Variants in ABTB2 observed in about 807,000 individuals in gnomAD.
ABTB2 encodes the protein ankyrin repeat and BTB domain containing 2.
A neutral mutation model predicts 104.1 loss-of-function variants in ABTB2; 56 were observed. The observed-to-expected ratio is 0.54, with a 90% CI of 0.43 to 0.67. The LOEUF (loss-of-function observed/expected upper bound fraction) is 0.67. Ranked by LOEUF, ABTB2 falls within the 30% of genes least tolerant of loss-of-function variation. The probability of loss-of-function intolerance (pLI) is 0.00; values close to 1 mark genes in which losing one functional copy is unlikely to be tolerated. For missense variants in ABTB2, 1,279 were observed against 1,407.7 expected, an observed-to-expected ratio of 0.91 and a Z score of 1.46; for synonymous variants, 606 against 608.2, an observed-to-expected ratio of 1.00 and a Z score of 0.05.
At chr11:34,279,787 C>A (rs1024630917) in intron 1 of ABTB2, among the ~76,000 whole-genome samples, 1 of 129,564 alleles carries the variant, frequency 7.7e-6, no homozygotes. Flanking sequence ...CTTTCTTCTT[C>A]TTTTTTTTTT....
intron 1 of ABTB2, among the ~76,000 whole-genome samples, chr11:34,297,877 C>T (rs1854643925): frequency 6.6e-6 from 1 of 151,738 alleles, no homozygotes; most frequent in Admixed American, 6.6e-5. Flanking sequence ...GGTGATTACG[C>T]CATGAAAGCT....
chr11:34,311,020 T>C (rs1854846328), intron 1 of ABTB2, among the ~76,000 whole-genome samples: 1 of 152,190 alleles, frequency 6.6e-6, no homozygotes, highest in Non-Finnish European at 1.5e-5. Flanking sequence ...GAGATGCCGT[T>C]TCTCCATGTC....
chr11:34,246,548 C>G (rs972006352), intron 1 of ABTB2, among the ~76,000 whole-genome samples: 10 of 129,680 alleles, frequency 7.7e-5, no homozygotes, highest in Non-Finnish European at 6.2e-5. Context: ...TTGCAGTGAG[C>G]CGAGATCGCA....
At position 34,304,088 on chromosome 11, in the gene ABTB2, C is replaced by T. The variant is rs73497367; in HGVS notation, c.883+52613G>A. ...TAGCATGATGAAATATTGCCCAGTC[C>T]GGCTCTGTGGTGCTGAGGACGGAAT... On this transcript the variant is annotated intron_variant, in intron 1 of 16. Coordinates refer to ENST00000435224, the MANE Select transcript of ABTB2 (RefSeq NM_145804.3). Among the ~76,000 whole-genome samples, 274 of 152,208 alleles carry T rather than the reference C, an allele frequency of 1.8e-3. 4 individuals carry two copies. The highest frequency in any genetic ancestry group is 6.2e-3 in the African/African-American group (256 of 41,532).
At chr11:34,271,442 A>T (rs1459860013) in intron 1 of ABTB2, among the ~76,000 whole-genome samples, 1 of 152,098 alleles carries the variant, frequency 6.6e-6, no homozygotes, top group East Asian at 1.9e-4. Context: ...TTCATATGCT[A>T]AATACATACA....
intron 1 of ABTB2, among the ~76,000 whole-genome samples, chr11:34,291,891 G>A (rs1372927650): frequency 6.6e-6 from 1 of 151,734 alleles, no homozygotes; most frequent in African/African-American, 2.4e-5. Flanking sequence ...ATCCTTGCTT[G>A]TAGCTAATAA....
chr11:34,284,632 C>T (rs775149600), intron 1 of ABTB2, among the ~76,000 whole-genome samples: 6 of 152,110 alleles, frequency 3.9e-5, no homozygotes, highest in Non-Finnish European at 5.9e-5. Flanking sequence ...GAGTTGTTGA[C>T]GGATGAACAA....
Position 34,154,518 on chromosome 11 carries a change from TA to T in ABTB2, c.2767-141del. 2 of 853,436 alleles carry T rather than the reference TA, an allele frequency of 2.3e-6. No homozygotes were observed. Among genetic ancestry groups the T allele is most frequent in the Admixed American group, 4.2e-5 (2 of 47,164 alleles). 52.9% of individuals were successfully genotyped at this position (853,436 alleles called of 1,614,324 possible). ...CACTACCTTCTGATACTCCTGGGCCTAACCATCCCCGCTGGGACACGCACTG... is the reference window on the plus strand; with the variant it reads ...CACTACCTTCTGATACTCCTGGGCCTACCATCCCCGCTGGGACACGCACTG... On this transcript the variant is annotated intron_variant, in intron 15 of 16. Coordinates refer to ENST00000435224, the MANE Select transcript of ABTB2 (RefSeq NM_145804.3). The surrounding 1 kb of genome is among the most constrained non-coding windows in gnomAD (Gnocchi z 4.9).
At chr11:34,267,483 T>C (rs924437238) in intron 1 of ABTB2, among the ~76,000 whole-genome samples, 1 of 152,170 alleles carries the variant, frequency 6.6e-6, no homozygotes, top group Non-Finnish European at 1.5e-5. Context: ...CCTGAATACA[T>C]GTCTGCATGT....
At chr11:34,254,670 C>CTTTTTT (rs57784717) in intron 1 of ABTB2, among the ~76,000 whole-genome samples, 3 of 127,680 alleles carry the variant, frequency 2.3e-5, no homozygotes, top group East Asian at 2.3e-4. Flanking sequence ...ATATTAGAAA[C>CTTTTTT]TTTTTTTTTT....
chr11:34,277,263 T>C (rs1854392525), intron 1 of ABTB2, among the ~76,000 whole-genome samples: 2 of 152,102 alleles, frequency 1.3e-5, no homozygotes, highest in Non-Finnish European at 2.9e-5. Context: ...TAATCTAGGG[T>C]CTCATAAAGA....
intron 1 of ABTB2, among the ~76,000 whole-genome samples, chr11:34,338,562 C>T (rs963604131): frequency 2.7e-5 from 4 of 150,552 alleles, no homozygotes; most frequent in South Asian, 2.1e-4. Flanking sequence ...AAAAATTAGC[C>T]GGGCGTGGTG....
In ABTB2 at chr11:34,209,350, A is replaced by C. The variant is rs534111659; in HGVS notation, c.884-4660T>G. 1.9e-3 allele frequency among the ~76,000 whole-genome samples: 284 copies of C among 150,514 alleles called. 1 individual carries two copies. Among genetic ancestry groups the C allele is most frequent in the African/African-American group, 6.5e-3 (265 of 40,976 alleles). ...GAGTGAGCCTCTGTCTCCAAAAAAA[A>C]ACTTTTTTTTTCCCCCAGAAAAGAG... On this transcript the variant is annotated intron_variant, in intron 1 of 16. Transcript: ENST00000435224.
chr11:34,286,815 G>A (rs978764385), intron 1 of ABTB2, among the ~76,000 whole-genome samples: 2 of 152,078 alleles, frequency 1.3e-5, no homozygotes, highest in Admixed American at 6.6e-5. Context: ...ACATATTCAC[G>A]GACATTATGC....
chr11:34,152,482 G>A lies in ABTB2; in HGVS notation c.2983C>T (p.Arg995Cys), dbSNP rs746167793. ...TCCAGGCCCTGCACTTTGCTGCTGC[G>A]GCCGTAGATGAGCTGCCGGAAGGCA... ...QDAFRQLIYGRSSKVQGLDPL... is the reference protein window; with the variant it reads ...QDAFRQLIYGCSSKVQGLDPL... Residue 995 changes from arginine to cysteine, a missense_variant, in exon 17 of 17, where the codon CGC becomes TGC. Arg to Cys is a radical substitution (Grantham distance 180). Transcript: ENST00000435224. 3.2e-5 allele frequency: 52 copies of A among 1,607,170 alleles called. No individual in the cohort carries two copies. The highest frequency in any genetic ancestry group is 2.2e-4 in the East Asian group (10 of 44,734).
intron 1 of ABTB2, among the ~76,000 whole-genome samples, chr11:34,333,760 A>T (rs542544275): frequency 6.6e-6 from 1 of 152,296 alleles, no homozygotes; most frequent in East Asian, 1.9e-4. Context: ...GTCTCAAAAA[A>T]TAAAATATAA....
intron 1 of ABTB2, among the ~76,000 whole-genome samples, chr11:34,298,594 C>T (rs1305299069): frequency 6.6e-6 from 1 of 152,092 alleles, no homozygotes; most frequent in African/African-American, 2.4e-5. Context: ...TTCCCAGTAG[C>T]TGGAACTACA....
intron 1 of ABTB2, among the ~76,000 whole-genome samples, chr11:34,349,581 A>C (rs1472155433): frequency 6.6e-6 from 1 of 152,228 alleles, no homozygotes; most frequent in East Asian, 1.9e-4. Flanking sequence ...AGAATATCTT[A>C]TGTGTCAGGC....
chr11:34,208,619 A>T (rs1853438397), intron 1 of ABTB2, among the ~76,000 whole-genome samples: 1 of 152,050 alleles, frequency 6.6e-6, no homozygotes, highest in African/African-American at 2.4e-5. Context: ...TCCATTGCTC[A>T]ACTTTTCTCT....
Sources: gnomAD v4.1 joint callset for allele counts (sites outside exome capture counted in the v4.1 genomes callset) on GRCh38, gnomAD v4.1.1 for gene constraint, Gnocchi (gnomAD v3.1) non-coding constraint, MANE v1.5 for transcripts, NCBI Gene and HGNC (gene_info 2026-07-23, HGNC 2026-07-21) for gene names.